The following HSD17B4 variants were observed in gnomAD, a reference collection of about 807,000 sequenced individuals.
The protein encoded by HSD17B4 is peroxisomal multifunctional enzyme type 2.
Under a neutral mutation model 101.0 loss-of-function variants are expected in HSD17B4, and 70 were observed. The observed-to-expected ratio is 0.69, with a 90% CI of 0.57 to 0.85. HSD17B4 has a LOEUF of 0.85. Ranked by LOEUF, HSD17B4 falls within the 40% of genes least tolerant of loss-of-function variation. The pLI is 0.00. For missense variants in HSD17B4, 984 were observed against 892.4 expected (o/e 1.10, Z -1.31); for synonymous variants, 347 against 297.1 (o/e 1.17, Z -1.73).
At chr5:119,500,307 T>G (rs1201783113) in intron 13 of HSD17B4, among the ~76,000 whole-genome samples, 1 of 151,994 alleles carries the variant, frequency 6.6e-6, no homozygotes, top group Non-Finnish European at 1.5e-5. Context: ...TGTATATATA[T>G]ATAGAGAGAG....
intron 13 of HSD17B4, 128 bp from the exon 14 acceptor site, chr5:119,501,913 A>G (rs1361092335): frequency 1.5e-6 from 1 of 683,228 alleles, no homozygotes; most frequent in Non-Finnish European, 2.7e-6. Flanking sequence ...AGCCAAACAG[A>G]GATAGATAAC....
In HSD17B4 at chr5:119,493,900, G is replaced by A. The variant is rs141216594; in HGVS notation, c.822G>A (p.Lys274=). 4.2e-5 allele frequency: 68 copies of A among 1,613,298 alleles called. No homozygotes were observed. In the African/African-American group the frequency reaches 8.9e-4, roughly 21 times the overall value. The change falls in exon 11 of 24, where the codon AAG becomes AAA. Residue 274 remains lysine, a synonymous_variant. Coordinates refer to ENST00000510025, the MANE Select transcript of HSD17B4 (RefSeq NM_000414.4). ...CTGAGGCAGTCAAGGCTAACTGGAA[G>A]AAGATCTGTGACTTTGAGAATGCCA... ...MTPEAVKANW[K]KICDFENASK...
intron 21 of HSD17B4, 111 bp from the exon 22 acceptor site, chr5:119,531,155 A>C (rs1390098732): frequency 9.8e-7 from 1 of 1,020,602 alleles, no homozygotes; most frequent in Non-Finnish European, 1.5e-6. Context: ...AAGAAAACTG[A>C]CTTATGTACA....
At chr5:119,535,466 T>A (rs1190735421) in intron 22 of HSD17B4, among the ~76,000 whole-genome samples, 3 of 151,860 alleles carry the variant, frequency 2.0e-5, no homozygotes, top group African/African-American at 7.2e-5. Context: ...TTTCCCAATT[T>A]TGAGATATTT....
chr5:119,465,508 C>G (rs931745744), intron 2 of HSD17B4, among the ~76,000 whole-genome samples: 1 of 152,152 alleles, frequency 6.6e-6, no homozygotes, highest in African/African-American at 2.4e-5. Context: ...GAGGGCCTTA[C>G]GAGGAGTAGA....
Position 119,499,481 on chromosome 5 carries a change from T to A in HSD17B4, c.1137T>A (p.Val379=). 6.2e-7 allele frequency: 1 copy of A among 1,613,900 alleles called. No homozygotes were observed. ...SDFSCLPTFG[V]IIGQKSMMGG... Reference sequence around the variant, plus strand: ...TCTCCTGTTTGCCCACCTTCGGAGTTATCATAGGTCAGAAATCTATGATGG... The same window carrying A: ...TCTCCTGTTTGCCCACCTTCGGAGTAATCATAGGTCAGAAATCTATGATGG... Residue 379 remains valine (V), a synonymous_variant, in exon 13 of 24, where the codon GTT becomes GTA. Coordinates refer to ENST00000510025, the MANE Select transcript of HSD17B4 (RefSeq NM_000414.4).
At chr5:119,527,634 G>T (rs1753722059) in intron 20 of HSD17B4, among the ~76,000 whole-genome samples, 2 of 151,846 alleles carry the variant, frequency 1.3e-5, no homozygotes, top group Non-Finnish European at 2.9e-5. Context: ...ATTAATGAAG[G>T]ATCTTGCAAT....
At chr5:119,541,430 A>G (rs1481531164) in intron 23 of HSD17B4, among the ~76,000 whole-genome samples, 1 of 152,230 alleles carries the variant, frequency 6.6e-6, no homozygotes, top group Non-Finnish European at 1.5e-5. Flanking sequence ...TAACTCAGGC[A>G]TTCTGATGCT....
At position 119,535,787 on chromosome 5, in the gene HSD17B4, C is replaced by G. The variant is rs544423151; in HGVS notation, c.1994-636C>G. 3 of 151,670 alleles carry G rather than the reference C, an allele frequency of 2.0e-5. No individual in the cohort carries two copies. The South Asian group carries it at 6.2e-4, about 31-fold the overall frequency. The allele number at this position is 151,670 out of a possible 1,614,324, so 9.4% of individuals were successfully genotyped here. ...AAGTATAGGGGATACAAAGACAAAA[C>G]ATGTTTGTGCCAGCAAAGACCTAAT... On this transcript the variant is annotated intron_variant, in intron 22 of 23. Transcript: ENST00000510025.
rs191967146 is a variant in HSD17B4 at position 119,480,633 on chromosome 5, A to T, written c.622+1612A>T. ...AATTGCTAATGAAGTTTTGGGCACC[A>T]TTGTCATTGATAATATCTTATCAGG... On this transcript the variant is annotated intron_variant, in intron 8 of 23. Transcript: ENST00000510025. 3.6e-3 allele frequency among the ~76,000 whole-genome samples: 542 copies of T among 152,322 alleles called. 1 individual carries two copies. Among genetic ancestry groups the T allele is most frequent in the Middle Eastern group, 0.017 (5 of 294 alleles).
At chr5:119,511,087 T>G (rs1426133058) in intron 16 of HSD17B4, among the ~76,000 whole-genome samples, 2 of 152,212 alleles carry the variant, frequency 1.3e-5, no homozygotes, top group Admixed American at 1.3e-4. Flanking sequence ...CTACTACACC[T>G]GCCCTGCTTC....
chr5:119,526,645 C>T (rs1265679094), intron 19 of HSD17B4, among the ~76,000 whole-genome samples: 1 of 151,944 alleles, frequency 6.6e-6, no homozygotes, highest in Non-Finnish European at 1.5e-5. Flanking sequence ...CCTTTGATAA[C>T]ACTAATTACT....
At chr5:119,492,713 A>G (rs1750224697) in intron 10 of HSD17B4, 2 of 152,050 alleles carry the variant, frequency 1.3e-5, no homozygotes, top group Non-Finnish European at 2.9e-5. Flanking sequence ...GTTATTTTAA[A>G]TAACTATTTA....
In HSD17B4 at chr5:119,535,076, C is replaced by G. The variant is rs989938666; in HGVS notation, c.1994-1347C>G. Among the ~76,000 whole-genome samples the G allele has an allele frequency of 2.0e-5, 3 of 152,124 alleles. No individual in the cohort carries two copies. In the South Asian group the frequency reaches 6.2e-4, roughly 32 times the overall value. ...ATTGTTAAAATTTGTATCTCATCTT[C>G]TTTACTATTTTTTTCCATCATATGT... On this transcript the variant is annotated intron_variant, in intron 22 of 23. Coordinates refer to ENST00000510025, the MANE Select transcript of HSD17B4 (RefSeq NM_000414.4).
At chr5:119,502,181 G>A in intron 14 of HSD17B4, 89 bp downstream of exon 14, 1 of 859,988 alleles carries the variant, frequency 1.2e-6, no homozygotes, top group Non-Finnish European at 2.0e-6. Context: ...AACTGGTATA[G>A]AGTGACCTAA....
intron 2 of HSD17B4, among the ~76,000 whole-genome samples, chr5:119,457,006 T>G (rs968974263): frequency 5.3e-5 from 8 of 152,280 alleles, no homozygotes; most frequent in African/African-American, 1.9e-4. Flanking sequence ...TTAAAAAAAT[T>G]TAATTGAGGG....
chr5:119,499,483 T>A lies in HSD17B4; in HGVS notation c.1139T>A (p.Ile380Asn), dbSNP rs1347527224. The part of the protein sequence containing the change: ...DFSCLPTFGV[I>N]IGQKSMMGGG... Reference sequence around the variant, plus strand: ...TCCTGTTTGCCCACCTTCGGAGTTATCATAGGTCAGAAATCTATGATGGGT... The same window carrying A: ...TCCTGTTTGCCCACCTTCGGAGTTAACATAGGTCAGAAATCTATGATGGGT... The change falls in exon 13 of 24, where the codon ATC (isoleucine) becomes AAC (asparagine). Residue 380 changes from isoleucine (I) to asparagine (N), a missense_variant. Transcript: ENST00000510025. 6.2e-7 allele frequency: 1 copy of A among 1,613,828 alleles called. No individual in the cohort carries two copies. Among genetic ancestry groups the A allele is most frequent in the African/African-American group, 1.3e-5 (1 of 74,916 alleles).
chr5:119,490,577 T>A (rs1750009211), intron 9 of HSD17B4, among the ~76,000 whole-genome samples: 1 of 152,130 alleles, frequency 6.6e-6, no homozygotes, highest in Non-Finnish European at 1.5e-5. Flanking sequence ...TATTTTTATT[T>A]TTTTTGAGGC....
At chr5:119,525,790 C>A in intron 18 of HSD17B4, 127 bp from the exon 19 acceptor site, 2 of 584,936 alleles carry the variant, frequency 3.4e-6, no homozygotes. Context: ...TACTGTGTTT[C>A]TTAAAATAGA....
Sources: gnomAD v4.1 joint callset for allele counts (sites outside exome capture counted in the v4.1 genomes callset) on GRCh38, gnomAD v4.1.1 for gene constraint, MANE v1.5 for transcripts, NCBI Gene and HGNC (gene_info 2026-07-23, HGNC 2026-07-21) for gene names.